The following TTC21B variants were observed in gnomAD, a reference collection of about 807,000 sequenced individuals.
TTC21B encodes tetratricopeptide repeat protein 21B.
In TTC21B, 127 loss-of-function variants were observed where a neutral mutation model predicts 175.1. The ratio of observed to expected loss-of-function variants is 0.73; its 90% CI spans 0.63 to 0.84. The LOEUF (loss-of-function observed/expected upper bound fraction) is 0.84, where lower values mean the gene tolerates loss of function less well. Among genes scored for constraint, TTC21B ranks in the 40% least tolerant of loss-of-function variants. The pLI is 0.00. For missense variants in TTC21B, 1,561 were observed against 1,558.3 expected (o/e 1.00, Z -0.03); for synonymous variants, 524 against 524.5 (o/e 1.00, Z 0.01).
chr2:165,948,955 C>T, intron 3 of TTC21B: 1 of 172,854 alleles, frequency 5.8e-6, no homozygotes, highest in Non-Finnish European at 1.2e-5. Context: ...TGAATATCTC[C>T]CAAGAGCTAG....
At chr2:165,926,221 T>A (rs1353857039) in intron 11 of TTC21B, among the ~76,000 whole-genome samples, 1 of 152,316 alleles carries the variant, frequency 6.6e-6, no homozygotes, top group African/African-American at 2.4e-5. Context: ...CCATTTGAAC[T>A]AGAGGCCCAA....
At chr2:165,950,904 G>T (rs975660952) in intron 1 of TTC21B, among the ~76,000 whole-genome samples, 1 of 152,110 alleles carries the variant, frequency 6.6e-6, no homozygotes, top group South Asian at 2.1e-4. Flanking sequence ...CACCACGCCC[G>T]TCCGACAGCT....
Position 165,899,893 on chromosome 2 carries a change from G to T in TTC21B, c.2758-13C>A. On this transcript the variant is annotated splice_polypyrimidine_tract_variant and intron_variant, in intron 20 of 28. Transcript: ENST00000243344. ...GTTCCAACATAATCTGTAGAGCAAA[G>T]GGCTAGATTCATCAGACACTGTATA... 1 of 1,519,684 alleles carries T rather than the reference G, an allele frequency of 6.6e-7. No individual in the cohort carries two copies. The highest frequency in any genetic ancestry group is 9.1e-7 in the Non-Finnish European group (1 of 1,094,220). The allele number at this position is 1,519,684 out of a possible 1,614,324, so 94.1% of individuals were successfully genotyped here.
intron 22 of TTC21B, 27 bp from the exon 23 acceptor site, chr2:165,891,015 G>A: frequency 6.3e-7 from 1 of 1,578,568 alleles, no homozygotes; most frequent in South Asian, 1.1e-5. Flanking sequence ...CTTCAGATAT[G>A]GGCACCATTT....
intron 14 of TTC21B, 144 bp from the exon 15 acceptor site, chr2:165,915,583 C>T (rs1197343326): frequency 7.3e-6 from 6 of 818,208 alleles, no homozygotes; most frequent in African/African-American, 1.7e-5. Flanking sequence ...TTTTCTGAAA[C>T]CTCAAAAATT....
intron 1 of TTC21B, among the ~76,000 whole-genome samples, chr2:165,952,301 A>G (rs1372926058): frequency 1.3e-5 from 2 of 152,246 alleles, no homozygotes; most frequent in African/African-American, 4.8e-5. Context: ...TTCAGTGTTC[A>G]TAAATAAAGT....
At chr2:165,875,022 T>C (rs754579158) in intron 28 of TTC21B, among the ~76,000 whole-genome samples, 190 bp from the exon 29 acceptor site, 8 of 152,172 alleles carry the variant, frequency 5.3e-5, no homozygotes, top group Non-Finnish European at 7.4e-5. Context: ...GGTAGTTAGA[T>C]GAGAACAATA....
At chr2:165,923,251 T>TA (rs918412207) in intron 12 of TTC21B, among the ~76,000 whole-genome samples, 2 of 151,524 alleles carry the variant, frequency 1.3e-5, no homozygotes, top group African/African-American at 4.9e-5. Context: ...AAATAAAAAA[T>TA]AAAAAAATAA....
At position 165,890,849 on chromosome 2, in the gene TTC21B, TC is replaced by T; in HGVS notation, c.3089del (p.Gly1030AspfsTer34). 1.2e-6 allele frequency: 2 copies of T among 1,613,336 alleles called. No homozygotes were observed. The highest frequency in any genetic ancestry group is 1.7e-6 in the Non-Finnish European group (2 of 1,179,550). On this transcript the variant is annotated frameshift_variant, in exon 23 of 29. Transcript: ENST00000243344. LOFTEE classifies it high-confidence loss of function. ...GTAAATAGATTTACCAAAGATACAG[TC>T]CTTTACAATACTGAAATCCTGGTTC... ...KLEPGFQYCK[G>X]LYLWYTGEPN... is the part of the protein sequence containing the mutation.
At chr2:165,950,255 G>T (rs1243322988) in intron 1 of TTC21B, among the ~76,000 whole-genome samples, 1 of 152,152 alleles carries the variant, frequency 6.6e-6, no homozygotes. Flanking sequence ...CAAATAAATT[G>T]TCAGTTAAGA....
chr2:165,949,144 T>C (rs1057078221), intron 3 of TTC21B: 2 of 483,860 alleles, frequency 4.1e-6, no homozygotes, highest in African/African-American at 1.9e-5. Context: ...CATTCCCTTT[T>C]ATCTAAAAAA....
chr2:165,931,997 A>ATGAT lies in TTC21B; in HGVS notation c.796-145_796-142dup, dbSNP rs1422601835. ...TTATAAATTCCTCCTCCTTCAATGG[A>ATGAT]TGATTATATGTTATAAAACATATTT... On this transcript the variant is annotated intron_variant, in intron 7 of 28. Coordinates refer to ENST00000243344, the MANE Select transcript of TTC21B (RefSeq NM_024753.5). 3 of 653,244 alleles carry ATGAT rather than the reference A, an allele frequency of 4.6e-6. No individual in the cohort carries two copies. The African/African-American group carries it at 5.5e-5, about 12-fold the overall frequency. 40.5% of individuals were successfully genotyped at this position (653,244 alleles called of 1,614,324 possible). A position where few individuals can be genotyped will look rare whatever the true frequency, so the allele number is the denominator to read the frequency against.
intron 24 of TTC21B, among the ~76,000 whole-genome samples, chr2:165,889,962 G>A (rs538239656): frequency 6.6e-6 from 1 of 152,078 alleles, no homozygotes; most frequent in East Asian, 1.9e-4. Flanking sequence ...AATAACCATT[G>A]ACTAGCAGTA....
rs1177610606 is a variant in TTC21B at position 165,953,745 on chromosome 2, C to G, written c.-40G>C. The G allele has an allele frequency of 2.3e-5, 35 of 1,547,306 alleles. No individual in the cohort carries two copies. Among genetic ancestry groups the G allele is most frequent in the Non-Finnish European group, 3.0e-5 (34 of 1,145,732 alleles). On this transcript the variant is annotated 5_prime_UTR_variant, in exon 1 of 29. Coordinates refer to ENST00000243344, the MANE Select transcript of TTC21B (RefSeq NM_024753.5). ...CGGGCCGCGGGGCTCTGGGGATTGT[C>G]TCGCCGCAGCCTAAAGGAAGACGCA...
At chr2:165,947,476 TCTCCCCA>T (rs1173700590) in intron 3 of TTC21B, 1 of 151,522 alleles carries the variant, frequency 6.6e-6, no homozygotes. Flanking sequence ...CCTTTTCTCC[TCTCCCCA>T]CTCCCCACCC....
chr2:165,907,547 A>G, intron 19 of TTC21B, 131 bp downstream of exon 19: 1 of 682,022 alleles, frequency 1.5e-6, no homozygotes, highest in Non-Finnish European at 2.7e-6. Flanking sequence ...AGCATTCAAT[A>G]AGTATTTTGA....
At chr2:165,890,238 T>C (rs1685141535) in intron 24 of TTC21B, among the ~76,000 whole-genome samples, 3 of 152,206 alleles carry the variant, frequency 2.0e-5, no homozygotes. Context: ...TTAGGAAACC[T>C]AAAAGCATTT....
At position 165,915,415 on chromosome 2, in the gene TTC21B, C is replaced by G; in HGVS notation, c.1924G>C (p.Asp642His). The change falls in exon 15 of 29, where the codon GAT becomes CAT. Residue 642 changes from aspartate to histidine, a missense_variant. Transcript: ENST00000243344. ...EQHEATKVLQ[D>H]AIHEFSGTSE... ...GTTCCAGAAAATTCATGGATGGCAT[C>G]TTGTAAAACTTTGGTTGCCTCATGC... is the stretch of plus-strand genomic sequence containing the variant. The G allele has an allele frequency of 6.2e-7, 1 of 1,614,046 alleles. No homozygotes were observed. Among genetic ancestry groups the G allele is most frequent in the Non-Finnish European group, 8.5e-7 (1 of 1,179,972 alleles).
chr2:165,947,177 T>TATATAC (rs1687603845), intron 3 of TTC21B: 1 of 109,454 alleles, frequency 9.1e-6, no homozygotes, highest in Admixed American at 8.9e-5. Flanking sequence ...CCCATATATA[T>TATATAC]ATATATATAT....
Sources: allele counts gnomAD v4.1 joint callset (sites outside exome capture counted in the v4.1 genomes callset), GRCh38; gene constraint gnomAD v4.1.1; transcripts MANE v1.5; gene names NCBI Gene and HGNC (gene_info 2026-07-23, HGNC 2026-07-21).